Variants in BCR observed in about 807,000 individuals in gnomAD.
The protein encoded by BCR is BCR activator of RhoGEF and GTPase.
BCR carries 58 observed loss-of-function variants against 138.6 expected under a neutral mutation model. The ratio of observed to expected loss-of-function variants is 0.42; its 90% CI spans 0.34 to 0.52. BCR has a LOEUF of 0.52. Ranked by LOEUF, BCR falls within the 20% of genes least tolerant of loss-of-function variation. BCR has a pLI of 0.06. For synonymous variants in BCR, 786 were observed against 730.1 expected (o/e 1.08, Z -1.23); for missense variants, 1,599 against 1,727.2 (o/e 0.93, Z 1.32).
At chr22:23,237,979 A>G (rs1448589510) in intron 1 of BCR, among the ~76,000 whole-genome samples, 3 of 152,218 alleles carry the variant, frequency 2.0e-5, no homozygotes, top group Non-Finnish European at 4.4e-5. Flanking sequence ...GCTTCCGGTA[A>G]TTATGACAAG....
rs944803420 is a variant in BCR, at chr22:23,218,675, A to G, written c.1280-35124A>G. On this transcript the variant is annotated intron_variant, in intron 1 of 22. Coordinates refer to ENST00000305877, the MANE Select transcript of BCR (RefSeq NM_004327.4). ...GATCTCTGATCACCACTCAAGCCAC[A>G]AGTGACTGGACAGGCATGGACCTGT... 3.9e-5 allele frequency among the ~76,000 whole-genome samples: 6 copies of G among 152,206 alleles called. 1 individual carries two copies. Among genetic ancestry groups the G allele is most frequent in the Non-Finnish European group, 8.8e-5 (6 of 68,040 alleles).
intron 16 of BCR, among the ~76,000 whole-genome samples, chr22:23,296,275 G>A (rs559145998): frequency 1.6e-4 from 24 of 151,392 alleles, no homozygotes; most frequent in African/African-American, 5.8e-4. Context: ...TCGGGAGGCC[G>A]AGGCAGGAGA....
At chr22:23,243,040 A>G (rs2073113431) in intron 1 of BCR, 1 of 331,228 alleles carries the variant, frequency 3.0e-6, no homozygotes, top group Admixed American at 3.6e-5. Flanking sequence ...TTTAGGGTCC[A>G]TCAGTGTGAT....
intron 20 of BCR, 76 bp from the exon 21 acceptor site, chr22:23,313,892 G>A (rs2074035449): frequency 2.0e-5 from 23 of 1,164,472 alleles, no homozygotes; most frequent in Non-Finnish European, 3.0e-5. Flanking sequence ...ACAAGCCCCA[G>A]GTGCTCCATG....
intron 16 of BCR, among the ~76,000 whole-genome samples, chr22:23,299,431 C>T (rs9624077): frequency 0.01 from 1,549 of 152,278 alleles, 27 homozygotes; most frequent in African/African-American, 0.036. Flanking sequence ...CCTACATGGC[C>T]CTGAGATAAT....
intron 1 of BCR, among the ~76,000 whole-genome samples, chr22:23,204,586 G>A (rs2072590677): frequency 6.6e-6 from 1 of 152,202 alleles, no homozygotes; most frequent in Non-Finnish European, 1.5e-5. Flanking sequence ...GCTTCCTGCA[G>A]TAATGTGGAT....
chr22:23,222,333 ACTGT>A (rs1018426095), intron 1 of BCR, among the ~76,000 whole-genome samples: 3 of 152,138 alleles, frequency 2.0e-5, no homozygotes, highest in Admixed American at 6.5e-5. Context: ...GGCATAGAAA[ACTGT>A]CTGATTCCGG....
intron 4 of BCR, chr22:23,264,396 C>A: frequency 1.3e-6 from 1 of 786,318 alleles, no homozygotes. Flanking sequence ...CCAAGGAGAC[C>A]AGTGAGTCAG....
chr22:23,288,317 T>A, intron 12 of BCR, 145 bp downstream of exon 12: 1 of 861,442 alleles, frequency 1.2e-6, no homozygotes, highest in Non-Finnish European at 1.9e-6. Context: ...AGAAAAGAAG[T>A]TGGCGACAGC....
At chr22:23,204,840 C>T (rs898694504) in intron 1 of BCR, among the ~76,000 whole-genome samples, 9 of 152,072 alleles carry the variant, frequency 5.9e-5, no homozygotes, top group Non-Finnish European at 1.2e-4. Context: ...TCTGCCAGGG[C>T]GGAGGTGATG....
chr22:23,259,861 G>C (rs991008543), intron 2 of BCR, among the ~76,000 whole-genome samples: 1 of 152,170 alleles, frequency 6.6e-6, no homozygotes, highest in Non-Finnish European at 1.5e-5. Flanking sequence ...GGTGGTGGGT[G>C]CATGAGGTCC....
intron 16 of BCR, among the ~76,000 whole-genome samples, chr22:23,300,569 T>C (rs958907109): frequency 2.6e-5 from 4 of 152,166 alleles, no homozygotes; most frequent in Admixed American, 2.0e-4. Flanking sequence ...GGCACATCCA[T>C]GGGCTCTCGG....
intron 4 of BCR, chr22:23,263,234 G>T: frequency 9.8e-7 from 1 of 1,019,432 alleles, no homozygotes; most frequent in Non-Finnish European, 1.4e-6. Context: ...CGGAAGTGCT[G>T]CTGCTGCACA....
At chr22:23,262,254 A>G (rs947491564) in intron 4 of BCR, among the ~76,000 whole-genome samples, 1 of 152,120 alleles carries the variant, frequency 6.6e-6, no homozygotes, top group Non-Finnish European at 1.5e-5. Flanking sequence ...GTGATTCCTT[A>G]AAAGCCCTTC....
At chr22:23,257,304 C>T (rs1190958708) in intron 2 of BCR, among the ~76,000 whole-genome samples, 1 of 152,224 alleles carries the variant, frequency 6.6e-6, no homozygotes, top group Middle Eastern at 3.2e-3. Context: ...CTTCAGAACA[C>T]GGAGGGAGAG....
intron 2 of BCR, 124 bp downstream of exon 2, chr22:23,254,104 C>A: frequency 8.9e-7 from 1 of 1,121,698 alleles, no homozygotes; most frequent in Non-Finnish European, 1.2e-6. Context: ...GCGAGTGGGT[C>A]ACCAAAAACT....
chr22:23,256,689 A>T (rs536038094), intron 2 of BCR, among the ~76,000 whole-genome samples: 20 of 152,198 alleles, frequency 1.3e-4, no homozygotes, highest in African/African-American at 4.1e-4. Flanking sequence ...CCCCCAGATT[A>T]GGGGGACTAG....
At chr22:23,292,723 C>A (rs2073802264) in intron 15 of BCR, 85 bp downstream of exon 15, 1 of 1,191,186 alleles carries the variant, frequency 8.4e-7, no homozygotes, top group Non-Finnish European at 1.2e-6. Flanking sequence ...CCTTCAGGGG[C>A]TCCCTGAGGG....
chr22:23,233,147 G>A (rs142376952), intron 1 of BCR, among the ~76,000 whole-genome samples: 25 of 152,298 alleles, frequency 1.6e-4, no homozygotes, highest in African/African-American at 5.3e-4. Context: ...TCCAGGCAGA[G>A]CCTATACAGA....
Sources: allele counts gnomAD v4.1 joint callset (sites outside exome capture counted in the v4.1 genomes callset), GRCh38; gene constraint gnomAD v4.1.1; transcripts MANE v1.5; gene names NCBI Gene and HGNC (gene_info 2026-07-23, HGNC 2026-07-21).